The following CDKAL1 variants were observed in gnomAD, a reference collection of about 807,000 sequenced individuals.
CDKAL1 encodes the protein CDKAL1 threonylcarbamoyladenosine tRNA methylthiotransferase, also known as threonylcarbamoyladenosine tRNA methylthiotransferase.
In CDKAL1, 32 loss-of-function variants were observed where a neutral mutation model predicts 68.2. The observed-to-expected ratio is 0.47, with a 90% CI of 0.35 to 0.63. The LOEUF (loss-of-function observed/expected upper bound fraction) is 0.63, where lower values mean the gene tolerates loss of function less well. CDKAL1 is among the 30% of genes least tolerant of loss of function. The probability of loss-of-function intolerance (pLI) is 0.00; values close to 1 mark genes in which losing one functional copy is unlikely to be tolerated. For synonymous variants in CDKAL1, 234 were observed against 244.3 expected (o/e 0.96, Z 0.39); for missense variants, 606 against 696.7 (o/e 0.87, Z 1.47).
At chr6:20,727,344 A>T (rs1032576435) in intron 5 of CDKAL1, among the ~76,000 whole-genome samples, 2 of 152,204 alleles carry the variant, frequency 1.3e-5, no homozygotes, top group Admixed American at 6.5e-5. Context: ...AAAAACATAC[A>T]TATAACTACA....
intron 5 of CDKAL1, among the ~76,000 whole-genome samples, chr6:20,728,741 C>T (rs545695291): frequency 1.6e-4 from 24 of 152,200 alleles, no homozygotes; most frequent in Admixed American, 1.2e-3. Flanking sequence ...ACATGTACTC[C>T]GATTATCTGA....
chr6:20,801,675 C>A (rs1320393029), intron 8 of CDKAL1, among the ~76,000 whole-genome samples: 1 of 152,094 alleles, frequency 6.6e-6, no homozygotes, highest in African/African-American at 2.4e-5. Context: ...AATGCGTATG[C>A]CTGTGTAACT....
chr6:20,763,165 A>G (rs1284509795), intron 7 of CDKAL1, among the ~76,000 whole-genome samples: 1 of 152,102 alleles, frequency 6.6e-6, no homozygotes, highest in Non-Finnish European at 1.5e-5. Flanking sequence ...AGCCAATTGG[A>G]GGATGTGACA....
chr6:21,107,458 C>T (rs1276676592), intron 12 of CDKAL1, among the ~76,000 whole-genome samples: 2 of 151,768 alleles, frequency 1.3e-5, no homozygotes, highest in African/African-American at 2.4e-5. Flanking sequence ...AATGGAGTCT[C>T]CCTCTGTTGC....
chr6:20,771,858 C>T (rs1774959933), intron 7 of CDKAL1, among the ~76,000 whole-genome samples: 1 of 152,176 alleles, frequency 6.6e-6, no homozygotes, highest in South Asian at 2.1e-4. Context: ...TGAGGCCTTA[C>T]TAGAAGCTGA....
chr6:20,555,959 G>A (rs551662688), intron 4 of CDKAL1, among the ~76,000 whole-genome samples: 1 of 152,020 alleles, frequency 6.6e-6, no homozygotes, highest in Non-Finnish European at 1.5e-5. Context: ...CTTATTAGAA[G>A]CCTTTCTCGT....
At chr6:20,960,014 T>C (rs963272753) in intron 10 of CDKAL1, among the ~76,000 whole-genome samples, 5 of 152,188 alleles carry the variant, frequency 3.3e-5, no homozygotes, top group African/African-American at 1.2e-4. Flanking sequence ...ATCAGTACAA[T>C]TTATCAAGTG....
chr6:20,737,510 CTT>C (rs2150321522), intron 5 of CDKAL1, among the ~76,000 whole-genome samples: 1 of 152,230 alleles, frequency 6.6e-6, no homozygotes. Flanking sequence ...CTCAATGTCT[CTT>C]GGATGTTTGG....
chr6:21,231,210 G>A lies in CDKAL1; in HGVS notation c.*171G>A, dbSNP rs1325688851. The A allele has an allele frequency of 3.6e-5, 17 of 471,044 alleles. No homozygotes were observed. The highest frequency in any genetic ancestry group is 7.3e-5 in the Admixed American group (2 of 27,576). 29.2% of individuals were successfully genotyped at this position (471,044 alleles called of 1,614,324 possible). On this transcript the variant is annotated 3_prime_UTR_variant, in exon 16 of 16. Transcript: ENST00000274695. The stretch of plus-strand genomic sequence containing the variant: ...CTCCCCCTGTCTCACATTGAGTTGG[G>A]CCCATTGGTTATTTGACCTAAAACC...
intron 8 of CDKAL1, among the ~76,000 whole-genome samples, chr6:20,810,707 CCTCT>C (rs1396425850): frequency 6.7e-6 from 1 of 149,572 alleles, no homozygotes; most frequent in Non-Finnish European, 1.5e-5. Context: ...CATTCTCTCT[CCTCT>C]CTCTGGAAAA....
intron 8 of CDKAL1, among the ~76,000 whole-genome samples, chr6:20,830,005 G>A (rs1317357959): frequency 6.6e-6 from 1 of 152,154 alleles, no homozygotes; most frequent in Non-Finnish European, 1.5e-5. Context: ...ACAGGCATGT[G>A]CCAGAACAGC....
At chr6:21,146,999 G>A (rs942070132) in intron 13 of CDKAL1, among the ~76,000 whole-genome samples, 11 of 151,858 alleles carry the variant, frequency 7.2e-5, no homozygotes, top group Non-Finnish European at 1.2e-4. Context: ...AAGCCTGCAC[G>A]TGTCCATGGT....
intron 9 of CDKAL1, among the ~76,000 whole-genome samples, chr6:20,910,705 G>A (rs9350298): frequency 0.29 from 43,536 of 152,074 alleles, 7,533 homozygotes; most frequent in East Asian, 0.37. Flanking sequence ...TGAATACCTC[G>A]GAGCATGAGT....
chr6:20,558,824 C>T, intron 4 of CDKAL1: 1 of 343,302 alleles, frequency 2.9e-6, no homozygotes, highest in Non-Finnish European at 5.7e-6. Context: ...AGAATTAGGG[C>T]ATGTTGTTTG....
intron 10 of CDKAL1, among the ~76,000 whole-genome samples, chr6:20,958,856 C>T (rs1161261713): frequency 6.6e-6 from 1 of 151,960 alleles, no homozygotes; most frequent in Non-Finnish European, 1.5e-5. Context: ...TCTTATTCAC[C>T]TGACTCTCAG....
intron 5 of CDKAL1, among the ~76,000 whole-genome samples, chr6:20,697,437 G>T (rs574549050): frequency 2.2e-4 from 33 of 152,066 alleles, no homozygotes; most frequent in South Asian, 4.1e-4. Context: ...GATCAAAAGA[G>T]AAGGCCACTT....
At position 21,056,024 on chromosome 6, in the gene CDKAL1, C is replaced by T. The variant is rs530272367; in HGVS notation, c.1056-9024C>T. On this transcript the variant is annotated intron_variant, in intron 11 of 15. Coordinates refer to ENST00000274695, the MANE Select transcript of CDKAL1 (RefSeq NM_017774.3). Reference sequence around the variant, plus strand: ...GCATTCGTATTTCTCCACAGCCTCACCAACATCTGTTGTTTCTTGACTTTT... The same window carrying T: ...GCATTCGTATTTCTCCACAGCCTCATCAACATCTGTTGTTTCTTGACTTTT... 3.9e-5 allele frequency among the ~76,000 whole-genome samples: 6 copies of T among 152,298 alleles called. No homozygotes were observed. The South Asian group carries it at 6.2e-4, about 16-fold the overall frequency.
intron 11 of CDKAL1, among the ~76,000 whole-genome samples, chr6:21,028,262 C>G (rs1251883670): frequency 1.3e-5 from 2 of 152,196 alleles, no homozygotes; most frequent in Admixed American, 6.5e-5. Context: ...AGGGTTTTCT[C>G]TGTGCCAAGC....
At chr6:20,986,806 G>C (rs1018949339) in intron 10 of CDKAL1, among the ~76,000 whole-genome samples, 2 of 152,062 alleles carry the variant, frequency 1.3e-5, no homozygotes, top group Non-Finnish European at 2.9e-5. Context: ...AAAATATGCA[G>C]CCTTGTTTGT....
Sources: allele counts gnomAD v4.1 joint callset (sites outside exome capture counted in the v4.1 genomes callset), GRCh38; gene constraint gnomAD v4.1.1; transcripts MANE v1.5; gene names NCBI Gene and HGNC (gene_info 2026-07-23, HGNC 2026-07-21).